MSRA: variants seen among roughly 807,000 people sequenced by gnomAD.
The protein encoded by MSRA is methionine sulfoxide reductase A.
Under a neutral mutation model 31.3 loss-of-function variants are expected in MSRA, and 54 were observed. That is an observed-to-expected ratio of 1.73 (90% CI 1.39 to 2.17). The LOEUF (loss-of-function observed/expected upper bound fraction) is 2.17, where lower values mean the gene tolerates loss of function less well. Ranked by LOEUF, MSRA falls within the 30% of genes most tolerant of loss-of-function variation. The pLI is 0.00. For missense variants in MSRA, 507 were observed against 300.9 expected (o/e 1.69, Z -5.07); for synonymous variants, 169 against 116.5 (o/e 1.45, Z -2.90).
At chr8:10,175,057 A>T (rs1304777988) in intron 1 of MSRA, among the ~76,000 whole-genome samples, 1 of 152,062 alleles carries the variant, frequency 6.6e-6, no homozygotes, top group African/African-American at 2.4e-5. Context: ...AACATGATTC[A>T]CCATCCACAT....
chr8:10,095,982 C>A, intron 1 of MSRA: 1 of 1,403,204 alleles, frequency 7.1e-7, no homozygotes, highest in Non-Finnish European at 9.3e-7. Context: ...AAAGTTTGTT[C>A]ATCAATACAA....
At chr8:10,228,757 C>G (rs1811214212) in intron 2 of MSRA, among the ~76,000 whole-genome samples, 1 of 152,188 alleles carries the variant, frequency 6.6e-6, no homozygotes, top group Non-Finnish European at 1.5e-5. Flanking sequence ...GTTTTCTCAT[C>G]CTTAAGTTGG....
intron 5 of MSRA, among the ~76,000 whole-genome samples, chr8:10,354,290 G>A (rs1445633471): frequency 2.0e-5 from 3 of 152,140 alleles, no homozygotes; most frequent in Non-Finnish European, 4.4e-5. Context: ...GCTACAGCCT[G>A]GATCTCTAAA....
At chr8:10,191,131 G>C (rs1340632833) in intron 1 of MSRA, among the ~76,000 whole-genome samples, 1 of 152,112 alleles carries the variant, frequency 6.6e-6, no homozygotes, top group East Asian at 1.9e-4. Context: ...AAATCACCTA[G>C]CTTAATAGCA....
At chr8:10,383,808 C>T (rs1450651097) in intron 5 of MSRA, among the ~76,000 whole-genome samples, 1 of 152,180 alleles carries the variant, frequency 6.6e-6, no homozygotes. Flanking sequence ...TGCTTGCTGT[C>T]ACCTTCATTT....
At chr8:10,257,498 C>T (rs148964507) in intron 3 of MSRA, among the ~76,000 whole-genome samples, 1 of 152,262 alleles carries the variant, frequency 6.6e-6, no homozygotes, top group African/African-American at 2.4e-5. Flanking sequence ...CCCCCGCCTC[C>T]CTGGCTCAAG....
At chr8:10,348,560 G>A (rs923225315) in intron 5 of MSRA, among the ~76,000 whole-genome samples, 3 of 151,830 alleles carry the variant, frequency 2.0e-5, no homozygotes, top group Non-Finnish European at 4.4e-5. Context: ...AGTAGAGACG[G>A]GGTTTCACCG....
chr8:10,406,424 C>G (rs780086189), intron 5 of MSRA, among the ~76,000 whole-genome samples: 18 of 152,210 alleles, frequency 1.2e-4, no homozygotes, highest in Admixed American at 6.5e-5. Flanking sequence ...TACAGAAAGG[C>G]TAAGTGACTT....
chr8:10,379,660 G>A (rs1046825911), intron 5 of MSRA, among the ~76,000 whole-genome samples: 5 of 152,104 alleles, frequency 3.3e-5, no homozygotes, highest in African/African-American at 4.8e-5. Flanking sequence ...CCTTTGTTTT[G>A]ACAAGACCTA....
intron 5 of MSRA, among the ~76,000 whole-genome samples, chr8:10,399,208 C>A (rs1474691272): frequency 6.6e-6 from 1 of 152,206 alleles, no homozygotes; most frequent in East Asian, 1.9e-4. Context: ...GAACAGAGGA[C>A]AATCTGTATC....
chr8:10,345,089 T>C (rs901140121), intron 5 of MSRA, among the ~76,000 whole-genome samples: 1 of 152,130 alleles, frequency 6.6e-6, no homozygotes, highest in Non-Finnish European at 1.5e-5. Flanking sequence ...CTGGCCTGGG[T>C]TGGCTCTAGA....
At chr8:10,379,737 A>T (rs1805955316) in intron 5 of MSRA, among the ~76,000 whole-genome samples, 1 of 152,190 alleles carries the variant, frequency 6.6e-6, no homozygotes, top group Non-Finnish European at 1.5e-5. Flanking sequence ...TAAGTATGGG[A>T]TGGCCAGGCC....
intron 5 of MSRA, among the ~76,000 whole-genome samples, chr8:10,366,697 G>T (rs1208090820): frequency 2.0e-5 from 3 of 152,160 alleles, no homozygotes; most frequent in African/African-American, 7.2e-5. Context: ...TTCGTTGCTG[G>T]GGACGTCTGT....
chr8:10,317,884 C>G (rs923145548), intron 4 of MSRA, among the ~76,000 whole-genome samples: 3 of 152,300 alleles, frequency 2.0e-5, no homozygotes, highest in Admixed American at 2.0e-4. Flanking sequence ...TCATGGGAGT[C>G]TGATCTTTCC....
chr8:10,425,563 C>T (rs369237851), intron 5 of MSRA, among the ~76,000 whole-genome samples: 12 of 152,358 alleles, frequency 7.9e-5, no homozygotes, highest in African/African-American at 2.6e-4. Context: ...ATCCTTGTGC[C>T]TAGGAGGACA....
At chr8:10,352,558 A>G (rs1804219624) in intron 5 of MSRA, among the ~76,000 whole-genome samples, 1 of 152,110 alleles carries the variant, frequency 6.6e-6, no homozygotes, top group East Asian at 1.9e-4. Context: ...AGAAGATTGC[A>G]GCTGCAATTT....
intron 3 of MSRA, among the ~76,000 whole-genome samples, chr8:10,293,328 A>T (rs1800348313): frequency 6.6e-6 from 1 of 152,140 alleles, no homozygotes; most frequent in South Asian, 2.1e-4. Context: ...AACAAAGATG[A>T]GCTACTGCTT....
At chr8:10,335,575 G>A (rs1051152778) in intron 5 of MSRA, among the ~76,000 whole-genome samples, 1 of 152,160 alleles carries the variant, frequency 6.6e-6, no homozygotes, top group African/African-American at 2.4e-5. Flanking sequence ...TGACCCCGGC[G>A]CCTGATCTTG....
At chr8:10,340,129 C>T (rs74699996) in intron 5 of MSRA, among the ~76,000 whole-genome samples, 26,467 of 152,032 alleles carry the variant, frequency 0.17, 3,113 homozygotes, top group Non-Finnish European at 0.26. Flanking sequence ...AAGAGGCAGC[C>T]GCTTGAGACC....
Sources: gnomAD v4.1 joint callset for allele counts (sites outside exome capture counted in the v4.1 genomes callset) on GRCh38, gnomAD v4.1.1 for gene constraint, MANE v1.5 for transcripts, NCBI Gene and HGNC (gene_info 2026-07-23, HGNC 2026-07-21) for gene names.